Variants in BMP8B observed in about 807,000 individuals in gnomAD.
BMP8B encodes bone morphogenetic protein 8 (osteogenic protein 2).
BMP8B carries 17 observed loss-of-function variants against 30.3 expected under a neutral mutation model. That is an observed-to-expected ratio of 0.56 (90% CI 0.38 to 0.84). The LOEUF (loss-of-function observed/expected upper bound fraction) is 0.84. BMP8B is among the 40% of genes least tolerant of loss of function. The pLI is 0.00. For missense variants in BMP8B, 253 were observed against 494.6 expected (o/e 0.51, Z 4.63); for synonymous variants, 131 against 214.7 (o/e 0.61, Z 3.41).
Position 39,757,268 on chromosome 1 carries a change from A to G in BMP8B, c.*3151T>C, listed in dbSNP as rs914892847. ...TTTGTAATAATACCAGCAAATACCTATTGTTAAGCATTTATATGTCAGACA... is the reference window on the plus strand; with the variant it reads ...TTTGTAATAATACCAGCAAATACCTGTTGTTAAGCATTTATATGTCAGACA... On this transcript the variant is annotated 3_prime_UTR_variant, in exon 7 of 7. Coordinates refer to ENST00000372827, the MANE Select transcript of BMP8B (RefSeq NM_001720.5). 2 of 152,256 alleles carry G rather than the reference A, an allele frequency of 1.3e-5. No individual in the cohort carries two copies. Among genetic ancestry groups the G allele is most frequent in the Non-Finnish European group, 2.9e-5 (2 of 68,030 alleles). The allele number at this position is 152,256 out of a possible 1,614,324, so 9.4% of individuals were successfully genotyped here.
At chr1:39,785,563 C>T (rs2780920) in intron 1 of BMP8B, among the ~76,000 whole-genome samples, 21 of 152,342 alleles carry the variant, frequency 1.4e-4, no homozygotes, top group Admixed American at 5.2e-4. Flanking sequence ...TTGGGCCCTA[C>T]GGGCACCAGA....
At chr1:39,779,810 G>A (rs1557488573) in intron 1 of BMP8B, among the ~76,000 whole-genome samples, 1 of 152,220 alleles carries the variant, frequency 6.6e-6, no homozygotes, top group South Asian at 2.1e-4. Context: ...GTCTGTGGCT[G>A]TGTAACTCAT....
intron 1 of BMP8B, among the ~76,000 whole-genome samples, chr1:39,776,426 G>A (rs1650236364): frequency 6.6e-6 from 1 of 152,212 alleles, no homozygotes; most frequent in Admixed American, 6.5e-5. Context: ...ATGTTTGTGA[G>A]TCTTTTTAAA....
chr1:39,762,769 C>T (rs1649173862), intron 6 of BMP8B: 1 of 1,339,714 alleles, frequency 7.5e-7, no homozygotes, highest in East Asian at 2.5e-5. Context: ...ACAGTGTACA[C>T]ATCTGTTTCA....
Position 39,763,780 on chromosome 1 carries a change from C to T in BMP8B, c.880G>A (p.Gly294Ser), listed in dbSNP as rs137876639. 13 of 1,600,386 alleles carry T rather than the reference C, an allele frequency of 8.1e-6. 1 individual carries two copies. In the East Asian group the frequency reaches 1.8e-4, roughly 22 times the overall value. ...RLPGIFDDVH[G>S]SHGRQVCRRH... ...CGGCAGACCTGCCGGCCGTGGGAGCCGTGGACGTCATCTGCAGGGACAGAA... is the reference window on the plus strand; with the variant it reads ...CGGCAGACCTGCCGGCCGTGGGAGCTGTGGACGTCATCTGCAGGGACAGAA... The change falls in exon 5 of 7, where the codon GGC (glycine) becomes AGC (serine). Residue 294 changes from glycine (G) to serine (S), a missense_variant. Around this residue, in one of 7 missense-constraint regions of BMP8B, gnomAD observed 8 missense variants for 43.1 expected, o/e 0.19. Transcript: ENST00000372827.
At chr1:39,781,603 CGGAAAGTTTACTGGGAAAACT>C (rs1650643399) in intron 1 of BMP8B, among the ~76,000 whole-genome samples, 1 of 152,250 alleles carries the variant, frequency 6.6e-6, no homozygotes, top group Admixed American at 6.5e-5. Flanking sequence ...GACACTGGGT[CGGAAAGTTTACTGGGAAAACT>C]GGAAAGTTTA....
At chr1:39,781,206 G>C (rs550606888) in intron 1 of BMP8B, among the ~76,000 whole-genome samples, 2 of 152,264 alleles carry the variant, frequency 1.3e-5, no homozygotes, top group African/African-American at 2.4e-5. Flanking sequence ...TGCTCTTAAA[G>C]CCCTGAATGA....
chr1:39,777,463 C>A (rs1475509924), intron 1 of BMP8B, among the ~76,000 whole-genome samples: 1 of 152,202 alleles, frequency 6.6e-6, no homozygotes, highest in Non-Finnish European at 1.5e-5. Flanking sequence ...TCGGAAGCAA[C>A]CCCACGCTTC....
chr1:39,762,442 A>C, intron 6 of BMP8B: 1 of 1,470,186 alleles, frequency 6.8e-7, no homozygotes, highest in East Asian at 2.5e-5. Flanking sequence ...CGGTGCCAGA[A>C]TCCACAAACA....
chr1:39,763,689 AAAC>A lies in BMP8B; in HGVS notation c.948+20_948+22del. 6.3e-7 allele frequency: 1 copy of A among 1,582,638 alleles called. No homozygotes were observed. The highest frequency in any genetic ancestry group is 8.6e-7 in the Non-Finnish European group (1 of 1,158,794). ...CTACAGGTGGTGATTGTCATTTCAG[AAAC>A]AAGAAGAGTCAGCAATTACCAGCCA... On this transcript the variant is annotated intron_variant, in intron 5 of 6. Transcript: ENST00000372827.
At chr1:39,780,243 G>T (rs1357420375) in intron 1 of BMP8B, among the ~76,000 whole-genome samples, 1 of 152,214 alleles carries the variant, frequency 6.6e-6, no homozygotes, top group African/African-American at 2.4e-5. Context: ...CCATGGTGAA[G>T]GCGGCACCAT....
chr1:39,760,954 G>A (rs894950326), intron 6 of BMP8B, among the ~76,000 whole-genome samples: 5 of 152,034 alleles, frequency 3.3e-5, no homozygotes, highest in Non-Finnish European at 4.4e-5. Context: ...TTCTTCTTTT[G>A]GCCCTTCGGA....
intron 1 of BMP8B, among the ~76,000 whole-genome samples, chr1:39,782,613 G>A (rs559385197): frequency 6.6e-5 from 10 of 151,996 alleles, no homozygotes; most frequent in Admixed American, 3.3e-4. Context: ...GATTACAGGC[G>A]CCTGCCACCA....
At chr1:39,764,378 AG>A (rs1454387915) in intron 4 of BMP8B, among the ~76,000 whole-genome samples, 1 of 151,646 alleles carries the variant, frequency 6.6e-6, no homozygotes, top group Admixed American at 6.6e-5. Context: ...CTCCTGAGAA[AG>A]ACCCGGAGGA....
At chr1:39,770,538 C>T (rs763544435) in intron 3 of BMP8B, 5 of 1,609,988 alleles carry the variant, frequency 3.1e-6, no homozygotes, top group South Asian at 1.1e-5. Context: ...ACCGCCGTGA[C>T]GTCTGCAGCT....
chr1:39,762,862 A>G (rs914342205), intron 6 of BMP8B, among the ~76,000 whole-genome samples: 7 of 152,252 alleles, frequency 4.6e-5, no homozygotes, highest in Admixed American at 2.6e-4. Context: ...GCATGTGTAC[A>G]CGACTGTTCA....
intron 1 of BMP8B, among the ~76,000 whole-genome samples, chr1:39,786,988 C>A (rs116717360): frequency 0.013 from 1,915 of 152,330 alleles, 49 homozygotes; most frequent in African/African-American, 0.044. Flanking sequence ...TCAGAAAGGT[C>A]TCTGCACCTT....
chr1:39,780,133 C>A (rs1450605997), intron 1 of BMP8B, among the ~76,000 whole-genome samples: 2 of 152,204 alleles, frequency 1.3e-5, no homozygotes, highest in Non-Finnish European at 2.9e-5. Context: ...GGACCTATCA[C>A]CACTAGTGTC....
intron 3 of BMP8B, among the ~76,000 whole-genome samples, chr1:39,766,025 G>A (rs1315014945): frequency 2.6e-5 from 4 of 151,738 alleles, no homozygotes; most frequent in Non-Finnish European, 4.4e-5. Flanking sequence ...CAGAATGAGA[G>A]TGTGTTTCAA....
Sources: allele counts gnomAD v4.1 joint callset (sites outside exome capture counted in the v4.1 genomes callset), GRCh38; gene constraint gnomAD v4.1.1; regional missense constraint gnomAD v4.1.1; transcripts MANE v1.5; gene names NCBI Gene and HGNC (gene_info 2026-07-23, HGNC 2026-07-21).